The following TOX variants were observed in gnomAD, a reference collection of about 807,000 sequenced individuals.
TOX encodes thymocyte selection associated high mobility group box.
A neutral mutation model predicts 53.7 loss-of-function variants in TOX; 11 were observed. The ratio of observed to expected loss-of-function variants is 0.20; its 90% CI spans 0.13 to 0.34. TOX has a LOEUF of 0.34. Ranked by LOEUF, TOX falls within the 10% of genes least tolerant of loss-of-function variation. TOX has a pLI of 1.00. For synonymous variants in TOX, 225 were observed against 245.3 expected (o/e 0.92, Z 0.77); for missense variants, 570 against 664.6 (o/e 0.86, Z 1.56).
chr8:58,867,837 G>A (rs1435853934), intron 3 of TOX, among the ~76,000 whole-genome samples: 4 of 152,278 alleles, frequency 2.6e-5, no homozygotes, highest in Non-Finnish European at 4.4e-5. Flanking sequence ...CTGCTCTGTT[G>A]TCAGTGCCCA....
intron 3 of TOX, among the ~76,000 whole-genome samples, chr8:58,925,088 C>T (rs373804160): frequency 6.6e-6 from 1 of 152,164 alleles, no homozygotes; most frequent in African/African-American, 2.4e-5. Context: ...GCACCTCTCA[C>T]CATTCACGCC....
At chr8:58,975,201 GATA>G (rs747336837) in intron 1 of TOX, among the ~76,000 whole-genome samples, 4 of 150,810 alleles carry the variant, frequency 2.7e-5, no homozygotes, top group Admixed American at 6.6e-5. Flanking sequence ...TGTGTATATA[GATA>G]ATAAGTGTGT....
At chr8:59,051,324 T>G (rs1803785540) in intron 1 of TOX, among the ~76,000 whole-genome samples, 2 of 152,102 alleles carry the variant, frequency 1.3e-5, no homozygotes, top group South Asian at 4.1e-4. Context: ...GGACAATGAA[T>G]AAGTCTAGAA....
At chr8:58,953,973 TAG>T in intron 2 of TOX, among the ~76,000 whole-genome samples, 1 of 152,126 alleles carries the variant, frequency 6.6e-6, no homozygotes, top group Admixed American at 6.5e-5. Flanking sequence ...ATTAAACAAA[TAG>T]AGAGTCATTA....
At chr8:58,855,308 C>A (rs893482554) in intron 3 of TOX, among the ~76,000 whole-genome samples, 1 of 152,184 alleles carries the variant, frequency 6.6e-6, no homozygotes, top group African/African-American at 2.4e-5. Context: ...CCTAAGTCTG[C>A]AATTGCTTGT....
At chr8:59,116,440 T>A (rs894634187) in intron 1 of TOX, among the ~76,000 whole-genome samples, 1 of 152,250 alleles carries the variant, frequency 6.6e-6, no homozygotes, top group Non-Finnish European at 1.5e-5. Flanking sequence ...AATCCACTCA[T>A]GTCATTGCAA....
At chr8:59,068,953 G>A (rs1274667237) in intron 1 of TOX, among the ~76,000 whole-genome samples, 1 of 152,160 alleles carries the variant, frequency 6.6e-6, no homozygotes, top group African/African-American at 2.4e-5. Flanking sequence ...GATGAAGCAG[G>A]GAGGGGCATC....
chr8:58,838,428 C>A, intron 4 of TOX, 117 bp from the exon 5 acceptor site: 1 of 763,796 alleles, frequency 1.3e-6, no homozygotes, highest in Non-Finnish European at 2.1e-6. Flanking sequence ...CAAACACAGG[C>A]TTTTCTAAGG....
At chr8:58,836,190 G>A (rs902872470) in intron 5 of TOX, among the ~76,000 whole-genome samples, 3 of 152,136 alleles carry the variant, frequency 2.0e-5, no homozygotes, top group African/African-American at 7.2e-5. Flanking sequence ...TGACATTAAG[G>A]GAACAGGGAG....
At chr8:58,933,171 T>G (rs1375948846) in intron 3 of TOX, among the ~76,000 whole-genome samples, 2 of 152,188 alleles carry the variant, frequency 1.3e-5, no homozygotes, top group Non-Finnish European at 2.9e-5. Context: ...TTTCTTTGTA[T>G]GAAAGAGCTT....
chr8:59,091,310 C>G (rs764258517), intron 1 of TOX, among the ~76,000 whole-genome samples: 1 of 152,196 alleles, frequency 6.6e-6, no homozygotes, highest in Non-Finnish European at 1.5e-5. Flanking sequence ...TATAACATCA[C>G]TGTTGAGATG....
rs116181119 is a variant in TOX, at chr8:58,862,134, G to A, written c.412-10329C>T. The stretch of plus-strand genomic sequence containing the variant: ...ATAAAACATTAAAATAGCATGAAAC[G>A]AAGACAGGAAAAGGCTGGAAATCCT... On this transcript the variant is annotated intron_variant, in intron 3 of 8. Coordinates refer to ENST00000361421, the MANE Select transcript of TOX (RefSeq NM_014729.3). Among the ~76,000 whole-genome samples the A allele has an allele frequency of 1.1e-3, 165 of 152,120 alleles. 1 individual carries two copies. Among genetic ancestry groups the A allele is most frequent in the African/African-American group, 3.8e-3 (157 of 41,512 alleles).
At chr8:58,808,417 T>G (rs551174397) in intron 7 of TOX, 148 bp from the exon 8 acceptor site, 1 of 974,366 alleles carries the variant, frequency 1.0e-6, no homozygotes, top group Non-Finnish European at 1.4e-6. Flanking sequence ...CCAGAAAATT[T>G]AAAACAAAGG....
At chr8:59,019,389 T>C (rs966581323) in intron 1 of TOX, among the ~76,000 whole-genome samples, 1 of 152,064 alleles carries the variant, frequency 6.6e-6, no homozygotes, top group African/African-American at 2.4e-5. Flanking sequence ...CCTGATCTTA[T>C]CAAAATAATT....
intron 1 of TOX, among the ~76,000 whole-genome samples, chr8:59,113,849 A>G (rs922787178): frequency 6.6e-6 from 1 of 152,172 alleles, no homozygotes; most frequent in Non-Finnish European, 1.5e-5. Context: ...TATTTGAGAA[A>G]CACCCGCAGG....
Position 58,874,215 on chromosome 8 carries a change from C to T in TOX, c.412-22410G>A, listed in dbSNP as rs148518656. 2.1e-3 allele frequency among the ~76,000 whole-genome samples: 324 copies of T among 151,378 alleles called. 5 individuals carry two copies. In the East Asian group the frequency reaches 0.032, roughly 15 times the overall value. On this transcript the variant is annotated intron_variant, in intron 3 of 8. Coordinates refer to ENST00000361421, the MANE Select transcript of TOX (RefSeq NM_014729.3). ...ATATTTTTACTCTCTCTGCCCCCTGCCCTTTGGTAGATTTTTTTAAAAAAA... is the reference window on the plus strand; with the variant it reads ...ATATTTTTACTCTCTCTGCCCCCTGTCCTTTGGTAGATTTTTTTAAAAAAA...
chr8:58,813,306 A>G (rs568105391), intron 7 of TOX, among the ~76,000 whole-genome samples: 5 of 152,336 alleles, frequency 3.3e-5, no homozygotes, highest in Non-Finnish European at 5.9e-5. Context: ...TCTGATTGAT[A>G]AATCAGAAAA....
chr8:58,921,045 C>A (rs559966295), intron 3 of TOX, among the ~76,000 whole-genome samples: 2 of 151,652 alleles, frequency 1.3e-5, no homozygotes, highest in South Asian at 4.2e-4. Context: ...TAGGACCTAT[C>A]TTGCCTTATG....
At chr8:59,034,113 C>T (rs1487207510) in intron 1 of TOX, among the ~76,000 whole-genome samples, 1 of 152,218 alleles carries the variant, frequency 6.6e-6, no homozygotes, top group Non-Finnish European at 1.5e-5. Flanking sequence ...CTTGAAAACC[C>T]TTCCTGCAAT....
Sources: gnomAD v4.1 joint callset for allele counts (sites outside exome capture counted in the v4.1 genomes callset) on GRCh38, gnomAD v4.1.1 for gene constraint, MANE v1.5 for transcripts, NCBI Gene and HGNC (gene_info 2026-07-23, HGNC 2026-07-21) for gene names.